CWC27: variants seen among roughly 807,000 people sequenced by gnomAD.
CWC27 encodes the protein spliceosome-associated protein CWC27 homolog.
Under a neutral mutation model 63.6 loss-of-function variants are expected in CWC27, and 47 were observed. The ratio of observed to expected loss-of-function variants is 0.74; its 90% confidence interval spans 0.58 to 0.94. The LOEUF (loss-of-function observed/expected upper bound fraction) is 0.94, where lower values mean the gene tolerates loss of function less well. CWC27 is among the 40% of genes least tolerant of loss of function. The probability of loss-of-function intolerance (pLI) is 0.00; values close to 1 mark genes in which losing one functional copy is unlikely to be tolerated. For synonymous variants in CWC27, 175 were observed against 179.8 expected, an observed-to-expected ratio of 0.97 and a Z score of 0.22; for missense variants, 495 against 554.3, an observed-to-expected ratio of 0.89 and a Z score of 1.07.
intron 10 of CWC27, among the ~76,000 whole-genome samples, chr5:64,818,657 C>T (rs986427219): frequency 2.0e-5 from 3 of 152,054 alleles, no homozygotes; most frequent in African/African-American, 7.2e-5. Context: ...TATGTATGTA[C>T]ATGTCTAGTC....
At chr5:64,783,000 T>C (rs541961080) in intron 3 of CWC27, among the ~76,000 whole-genome samples, 1 of 152,226 alleles carries the variant, frequency 6.6e-6, no homozygotes, top group African/African-American at 2.4e-5. Context: ...TAATTTGAGA[T>C]TTTTGCTTCA....
intron 10 of CWC27, among the ~76,000 whole-genome samples, chr5:64,878,745 G>T (rs929696791): frequency 6.6e-6 from 1 of 151,860 alleles, no homozygotes; most frequent in African/African-American, 2.4e-5. Context: ...GAACAAAGGA[G>T]TATGTGTACT....
intron 7 of CWC27, among the ~76,000 whole-genome samples, chr5:64,789,230 A>C (rs1270352049): frequency 1.3e-5 from 2 of 152,082 alleles, no homozygotes; most frequent in African/African-American, 4.8e-5. Flanking sequence ...GGCATTTTAA[A>C]AAAATCAGTT....
At chr5:64,889,045 A>G (rs1747156692) in intron 11 of CWC27, among the ~76,000 whole-genome samples, 1 of 152,198 alleles carries the variant, frequency 6.6e-6, no homozygotes, top group African/African-American at 2.4e-5. Flanking sequence ...TTCAATTAGA[A>G]AACATCAAAC....
At chr5:64,946,121 CA>C (rs1748587754) in intron 11 of CWC27, among the ~76,000 whole-genome samples, 1 of 152,074 alleles carries the variant, frequency 6.6e-6, no homozygotes, top group African/African-American at 2.4e-5. Context: ...CAAAAGCAGT[CA>C]AATTACTCAA....
chr5:64,989,156 A>G (rs1749490506), intron 13 of CWC27, among the ~76,000 whole-genome samples: 1 of 152,198 alleles, frequency 6.6e-6, no homozygotes, highest in African/African-American at 2.4e-5. Context: ...GAAAAGCAGC[A>G]GGGTTTTATC....
chr5:64,883,664 T>C (rs991688223), intron 10 of CWC27, among the ~76,000 whole-genome samples: 4 of 151,998 alleles, frequency 2.6e-5, no homozygotes, highest in Non-Finnish European at 5.9e-5. Flanking sequence ...GCCATTGAAT[T>C]TGGTTGATAT....
chr5:64,779,838 T>A (rs1743599732), intron 2 of CWC27, among the ~76,000 whole-genome samples: 1 of 152,094 alleles, frequency 6.6e-6, no homozygotes. Context: ...AATGAGTGAG[T>A]CTCATGAGAT....
chr5:64,781,194 A>G (rs1410553136), intron 2 of CWC27, among the ~76,000 whole-genome samples: 3 of 152,126 alleles, frequency 2.0e-5, no homozygotes, highest in Non-Finnish European at 4.4e-5. Context: ...ATATACTCCA[A>G]TTGTATATTT....
intron 13 of CWC27, among the ~76,000 whole-genome samples, chr5:64,982,639 C>T: frequency 6.6e-6 from 1 of 152,066 alleles, no homozygotes; most frequent in Non-Finnish European, 1.5e-5. Flanking sequence ...CATTGTCAAG[C>T]ACAGTTTAGT....
At chr5:64,935,215 T>C (rs1158878686) in intron 11 of CWC27, among the ~76,000 whole-genome samples, 2 of 152,244 alleles carry the variant, frequency 1.3e-5, no homozygotes, top group East Asian at 3.8e-4. Flanking sequence ...TAGGTTTTCT[T>C]CTAGGGTTTT....
At chr5:64,821,387 C>A (rs1167417136) in intron 10 of CWC27, among the ~76,000 whole-genome samples, 1 of 152,034 alleles carries the variant, frequency 6.6e-6, no homozygotes, top group African/African-American at 2.4e-5. Flanking sequence ...GATATTTCCC[C>A]AAAGATAATA....
intron 10 of CWC27, among the ~76,000 whole-genome samples, chr5:64,863,415 C>T (rs536013611): frequency 7.9e-5 from 12 of 152,064 alleles, no homozygotes; most frequent in Admixed American, 7.9e-4. Flanking sequence ...CTGTTCTCCC[C>T]TACTCTGCCC....
At chr5:64,792,023 C>T (rs1192213266) in intron 7 of CWC27, among the ~76,000 whole-genome samples, 3 of 152,088 alleles carry the variant, frequency 2.0e-5, no homozygotes, top group Admixed American at 6.6e-5. Flanking sequence ...TCTCCCCTCT[C>T]TTCTTTTCCT....
chr5:64,930,347 T>C (rs1748213584), intron 11 of CWC27, among the ~76,000 whole-genome samples: 1 of 152,082 alleles, frequency 6.6e-6, no homozygotes, highest in Non-Finnish European at 1.5e-5. Context: ...CTAAAAATCA[T>C]TGAATTACAC....
At chr5:64,935,819 C>T (rs112749907) in intron 11 of CWC27, among the ~76,000 whole-genome samples, 1 of 152,256 alleles carries the variant, frequency 6.6e-6, no homozygotes, top group African/African-American at 2.4e-5. Flanking sequence ...CTTCACATCC[C>T]TTGTGAGTTG....
intron 11 of CWC27, among the ~76,000 whole-genome samples, chr5:64,960,123 CT>C (rs535938384): frequency 1.3e-5 from 2 of 151,800 alleles, no homozygotes; most frequent in South Asian, 4.2e-4. Flanking sequence ...AGTTTAGGGC[CT>C]TTTTTTGAAG....
intron 10 of CWC27, among the ~76,000 whole-genome samples, chr5:64,860,250 G>T (rs770933153): frequency 6.6e-6 from 1 of 152,080 alleles, no homozygotes; most frequent in Non-Finnish European, 1.5e-5. Context: ...ATTAATGGAA[G>T]AATTACAATA....
At chr5:64,889,664 G>A (rs766120488) in intron 11 of CWC27, among the ~76,000 whole-genome samples, 2 of 152,168 alleles carry the variant, frequency 1.3e-5, no homozygotes, top group African/African-American at 4.8e-5. Context: ...GGTGGCTCAC[G>A]CCTGTAATCC....
Sources: allele counts gnomAD v4.1 joint callset (sites outside exome capture counted in the v4.1 genomes callset), GRCh38; gene constraint gnomAD v4.1.1; transcripts MANE v1.5; gene names NCBI Gene and HGNC (gene_info 2026-07-23, HGNC 2026-07-21).